LAMA2: variants seen among roughly 807,000 people sequenced by gnomAD.
LAMA2 encodes the protein laminin subunit alpha-2.
Under a neutral mutation model 364.8 loss-of-function variants are expected in LAMA2, and 269 were observed. The observed-to-expected ratio is 0.74, with a 90% CI of 0.67 to 0.82. The LOEUF (loss-of-function observed/expected upper bound fraction) is 0.82, where lower values mean the gene tolerates loss of function less well. Among genes scored for constraint, LAMA2 ranks in the 40% least tolerant of loss-of-function variants. The pLI, the probability that LAMA2 is intolerant of heterozygous loss-of-function variation, is 0.00. For missense variants in LAMA2, 3,807 were observed against 3,873.2 expected, an observed-to-expected ratio of 0.98 and a Z score of 0.45; for synonymous variants, 1,379 against 1,370.6, an observed-to-expected ratio of 1.01 and a Z score of -0.14.
chr6:128,886,971 T>C (rs993614049), intron 1 of LAMA2, among the ~76,000 whole-genome samples: 1 of 152,226 alleles, frequency 6.6e-6, no homozygotes, highest in African/African-American at 2.4e-5. Flanking sequence ...AAGATTCTAA[T>C]ATTATAGTCT....
chr6:129,477,670 T>C (rs1433188031), intron 53 of LAMA2, among the ~76,000 whole-genome samples: 1 of 151,756 alleles, frequency 6.6e-6, no homozygotes, highest in African/African-American at 2.4e-5. Context: ...TTCAATTTTA[T>C]TGAAAAAATA....
chr6:129,097,857 C>A (rs188708118), intron 3 of LAMA2, among the ~76,000 whole-genome samples: 1 of 152,088 alleles, frequency 6.6e-6, no homozygotes, highest in Non-Finnish European at 1.5e-5. Context: ...TTGGTATGTA[C>A]TATTAATAAA....
intron 1 of LAMA2, among the ~76,000 whole-genome samples, chr6:128,939,066 A>G (rs1780005314): frequency 6.6e-6 from 1 of 152,190 alleles, no homozygotes. Context: ...ATTTCCAAAA[A>G]ATCAAAGGTT....
In LAMA2 at chr6:129,439,066, A is replaced by AC. The variant is rs142125733; in HGVS notation, c.6085+313dup. On this transcript the variant is annotated intron_variant, in intron 42 of 64. Coordinates refer to ENST00000421865, the MANE Select transcript of LAMA2 (RefSeq NM_000426.4). Reference sequence around the variant, plus strand: ...GTATTGGCAGGGGATTGGTTCCAGGACCCCCCCCCACAGATATCAAAATTC... The same window carrying AC: ...GTATTGGCAGGGGATTGGTTCCAGGACCCCCCCCCCACAGATATCAAAATTC... Among the ~76,000 whole-genome samples the AC allele has an allele frequency of 0.017, 2,543 of 145,888 alleles. 50 individuals carry two copies. Among genetic ancestry groups the AC allele is most frequent in the African/African-American group, 0.051 (2,036 of 39,792 alleles).
chr6:128,902,817 C>T (rs1701735242), intron 1 of LAMA2, among the ~76,000 whole-genome samples: 1 of 152,190 alleles, frequency 6.6e-6, no homozygotes, highest in African/African-American at 2.4e-5. Flanking sequence ...AGCTACCCAA[C>T]ACCCAATGTT....
intron 1 of LAMA2, among the ~76,000 whole-genome samples, chr6:129,017,251 A>G (rs1203808687): frequency 6.6e-6 from 1 of 152,028 alleles, no homozygotes; most frequent in Non-Finnish European, 1.5e-5. Context: ...TATAAAGTTC[A>G]GCAATTCAAT....
intron 1 of LAMA2, among the ~76,000 whole-genome samples, chr6:128,962,154 A>G (rs1468975125): frequency 1.8e-4 from 18 of 101,966 alleles, no homozygotes; most frequent in African/African-American, 6.2e-4. Context: ...ATATATATAT[A>G]TATATATATA....
At chr6:128,993,802 C>G (rs754073591) in intron 1 of LAMA2, among the ~76,000 whole-genome samples, 2 of 152,012 alleles carry the variant, frequency 1.3e-5, no homozygotes, top group Non-Finnish European at 2.9e-5. Context: ...CATTTAATTA[C>G]TATAATTAAT....
Position 128,883,331 on chromosome 6 carries a change from G to C in LAMA2, c.86G>C (p.Arg29Pro). 6.3e-7 allele frequency: 1 copy of C among 1,598,552 alleles called. No individual in the cohort carries two copies. Among genetic ancestry groups the C allele is most frequent in the Non-Finnish European group, 8.5e-7 (1 of 1,172,928 alleles). Residue 29 changes from arginine to proline, a missense_variant, in exon 1 of 65, where the codon CGG (arginine) becomes CCG (proline). Transcript: ENST00000421865. Reference protein sequence around the residue: ...GVQAQRPQQQRQSQAHQQRGL... With the variant: ...GVQAQRPQQQPQSQAHQQRGL... ...CAGGCGCAGCGGCCGCAGCAGCAGC[G>C]GCAGTCACAGGCACATCAGCAAAGA...
chr6:128,962,193 T>TAC (rs1375990983), intron 1 of LAMA2, among the ~76,000 whole-genome samples: 3 of 109,734 alleles, frequency 2.7e-5, no homozygotes, highest in Admixed American at 1.9e-4. Flanking sequence ...TATACACACA[T>TAC]ACACACACAC....
chr6:128,961,800 A>G (rs564183915), intron 1 of LAMA2, among the ~76,000 whole-genome samples: 6 of 152,090 alleles, frequency 3.9e-5, no homozygotes, highest in Non-Finnish European at 8.8e-5. Flanking sequence ...ACTTGTATTA[A>G]CCATCACAAG....
At chr6:129,297,169 G>A (rs966062080) in intron 20 of LAMA2, among the ~76,000 whole-genome samples, 7 of 152,108 alleles carry the variant, frequency 4.6e-5, no homozygotes, top group African/African-American at 1.4e-4. Context: ...GAACACTATA[G>A]CAATGATTAA....
At chr6:129,143,791 A>G (rs909384980) in intron 4 of LAMA2, 110 bp from the exon 5 acceptor site, 1 of 778,738 alleles carries the variant, frequency 1.3e-6, no homozygotes, top group African/African-American at 1.7e-5. Context: ...GAATCTGCGT[A>G]ACTAATTGGG....
chr6:129,371,674 T>C (rs1347565805), intron 34 of LAMA2, among the ~76,000 whole-genome samples: 1 of 151,256 alleles, frequency 6.6e-6, no homozygotes, highest in Non-Finnish European at 1.5e-5. Flanking sequence ...TGGTGCGATC[T>C]TGGCTCACTG....
intron 34 of LAMA2, among the ~76,000 whole-genome samples, chr6:129,380,388 A>G (rs1472801290): frequency 6.6e-6 from 1 of 152,122 alleles, no homozygotes; most frequent in Non-Finnish European, 1.5e-5. Context: ...ACTATAAGTT[A>G]GGCATCATAC....
chr6:129,337,591 C>T (rs1384023028), intron 29 of LAMA2, among the ~76,000 whole-genome samples: 1 of 152,018 alleles, frequency 6.6e-6, no homozygotes, highest in African/African-American at 2.4e-5. Context: ...AATGATATCT[C>T]AAGGAAAGTA....
chr6:129,230,041 A>G (rs573748529), intron 12 of LAMA2, among the ~76,000 whole-genome samples: 2 of 152,274 alleles, frequency 1.3e-5, no homozygotes, highest in East Asian at 3.9e-4. Flanking sequence ...TGTCATTTAA[A>G]CCAGAAGACT....
At chr6:129,411,298 C>T (rs966289998) in intron 40 of LAMA2, among the ~76,000 whole-genome samples, 1 of 152,044 alleles carries the variant, frequency 6.6e-6, no homozygotes, top group Non-Finnish European at 1.5e-5. Flanking sequence ...GTTGACCAGG[C>T]CTTTCTTAGG....
intron 1 of LAMA2, among the ~76,000 whole-genome samples, chr6:129,030,738 T>C (rs1786163789): frequency 1.3e-5 from 2 of 152,152 alleles, no homozygotes; most frequent in Admixed American, 1.3e-4. Context: ...ATATTTTCCA[T>C]GAAGAAGTTT....
Sources: gnomAD v4.1 joint callset for allele counts (sites outside exome capture counted in the v4.1 genomes callset) on GRCh38, gnomAD v4.1.1 for gene constraint, MANE v1.5 for transcripts, NCBI Gene and HGNC (gene_info 2026-07-23, HGNC 2026-07-21) for gene names.